Variants in TRPC5OS observed in about 807,000 individuals in gnomAD.
TRPC5OS encodes the protein TRPC5 opposite strand, also known as putative uncharacterized protein TRPC5OS.
For missense variants in TRPC5OS, 64 were observed against 79.3 expected, an observed-to-expected ratio of 0.81 and a Z score of 0.73; for synonymous variants, 30 against 29.3, an observed-to-expected ratio of 1.02 and a Z score of -0.08.
rs753735549 is a variant in TRPC5OS at position 111,888,693 on chromosome X, C to CAAAAA, written c.-545-7236_-545-7232dup. On this transcript the variant is annotated intron_variant, in intron 1 of 3. Coordinates refer to ENST00000635763, the MANE Select transcript of TRPC5OS (RefSeq NM_001195578.2). ...TGGGTGACAGAGCGAGACTCTATCT[C>CAAAAA]AAAAAAAAAAAAAAAAAAAAAAAAA... Among the ~76,000 whole-genome samples, 63 of 10,894 alleles carry CAAAAA rather than the reference C, an allele frequency of 5.8e-3. 1 individual carries two copies. Among genetic ancestry groups the CAAAAA allele is most frequent in the African/African-American group, 0.011 (50 of 4,469 alleles). 9.5% of individuals were successfully genotyped at this position (10,894 alleles called of 115,157 possible). A position where few individuals can be genotyped will look rare whatever the true frequency, so the allele number is the denominator to read the frequency against.
At chrX:111,877,461 G>T (rs1924004763) in intron 1 of TRPC5OS, among the ~76,000 whole-genome samples, 1 of 111,044 alleles carries the variant, frequency 9.0e-6, no homozygotes, top group South Asian at 3.8e-4. Context: ...GGAACTTTCA[G>T]TGCTAAAACT....
Position 111,901,960 on chromosome X carries a change from T to G in TRPC5OS, c.111T>G (p.Val37=). The part of the protein sequence containing the change: ...LLQFILQVQE[V]PYVEENGRAE... ...AATTCATTCTACAAGTACAAGAAGTTCCTTATGTAGAAGAAAATGGTAGAG... is the reference window on the plus strand; with the variant it reads ...AATTCATTCTACAAGTACAAGAAGTGCCTTATGTAGAAGAAAATGGTAGAG... The change falls in exon 4 of 4, where the codon GTT becomes GTG. Residue 37 remains valine, a synonymous_variant. Transcript: ENST00000635763. The G allele has an allele frequency of 8.7e-7, 1 of 1,155,366 alleles. No individual in the cohort carries two copies. Among genetic ancestry groups the G allele is most frequent in the Non-Finnish European group, 1.1e-6 (1 of 872,473 alleles).
Position 111,887,047 on chromosome X carries a change from A to C in TRPC5OS, c.-545-8904A>C, listed in dbSNP as rs1027379600. On this transcript the variant is annotated intron_variant, in intron 1 of 3. Transcript: ENST00000635763. Reference sequence around the variant, plus strand: ...ACAGTCTCCACTCTTTGCATGTGCCAGTGGCAATGGGGCAAAGCTTTCAAC... The same window carrying C: ...ACAGTCTCCACTCTTTGCATGTGCCCGTGGCAATGGGGCAAAGCTTTCAAC... 6.2e-5 allele frequency among the ~76,000 whole-genome samples: 7 copies of C among 112,635 alleles called. No homozygotes were observed. In the Admixed American group the frequency reaches 6.6e-4, roughly 11 times the overall value.
Sources: gnomAD v4.1 joint callset for allele counts (sites outside exome capture counted in the v4.1 genomes callset) on GRCh38, gnomAD v4.1.1 for gene constraint, MANE v1.5 for transcripts, NCBI Gene and HGNC (gene_info 2026-07-23, HGNC 2026-07-21) for gene names.